Variants in PRKDC observed in about 807,000 individuals in gnomAD.
PRKDC encodes DNA-dependent protein kinase catalytic subunit.
Under a neutral mutation model 486.9 loss-of-function variants are expected in PRKDC, and 82 were observed. The observed-to-expected ratio is 0.17, with a 90% CI of 0.14 to 0.20. The LOEUF (loss-of-function observed/expected upper bound fraction) is 0.20. Ranked by LOEUF, PRKDC falls within the 10% of genes least tolerant of loss-of-function variation. The probability of loss-of-function intolerance (pLI) is 1.00; values close to 1 mark genes in which losing one functional copy is unlikely to be tolerated. For missense variants in PRKDC, 4,504 were observed against 5,038.2 expected (o/e 0.89, Z 3.21); for synonymous variants, 1,895 against 1,837.0 (o/e 1.03, Z -0.81).
chr8:47,905,535 T>A (rs956995412), intron 25 of PRKDC, among the ~76,000 whole-genome samples: 1 of 152,168 alleles, frequency 6.6e-6, no homozygotes, highest in Admixed American at 6.5e-5. Flanking sequence ...TCAACTATTG[T>A]ACAAAGCAAA....
intron 7 of PRKDC, among the ~76,000 whole-genome samples, chr8:47,946,236 C>T (rs1247172727): frequency 2.6e-5 from 4 of 151,996 alleles, no homozygotes; most frequent in African/African-American, 7.2e-5. Flanking sequence ...TAGGCTGAGG[C>T]ATGAGAATTG....
intron 21 of PRKDC, among the ~76,000 whole-genome samples, chr8:47,920,073 G>A (rs2090048751): frequency 6.6e-6 from 1 of 152,152 alleles, no homozygotes; most frequent in Non-Finnish European, 1.5e-5. Context: ...CTTTGTTTCA[G>A]CCCATCCCTT....
intron 10 of PRKDC, among the ~76,000 whole-genome samples, chr8:47,941,638 C>T (rs1428721953): frequency 6.6e-6 from 1 of 152,154 alleles, no homozygotes; most frequent in Non-Finnish European, 1.5e-5. Flanking sequence ...TGTGCCGCTT[C>T]CTTCGGTTGA....
At chr8:47,825,959 T>C (rs2087729940) in intron 63 of PRKDC, among the ~76,000 whole-genome samples, 1 of 152,240 alleles carries the variant, frequency 6.6e-6, no homozygotes, top group Non-Finnish European at 1.5e-5. Flanking sequence ...CTTTGGTGCC[T>C]GGCACAGCAC....
At chr8:47,888,866 T>G in intron 33 of PRKDC, 148 bp downstream of exon 33, 1 of 1,062,508 alleles carries the variant, frequency 9.4e-7, no homozygotes, top group East Asian at 2.6e-5. Context: ...AAATGTGTTT[T>G]CTAAACAACT....
intron 25 of PRKDC, among the ~76,000 whole-genome samples, chr8:47,909,170 G>A (rs941367948): frequency 2.6e-5 from 4 of 152,206 alleles, no homozygotes; most frequent in South Asian, 2.1e-4. Flanking sequence ...TATGCCTGAT[G>A]TTTCTTCTGT....
chr8:47,874,570 C>A (rs950575782), intron 40 of PRKDC, among the ~76,000 whole-genome samples: 1 of 152,068 alleles, frequency 6.6e-6, no homozygotes, highest in African/African-American at 2.4e-5. Flanking sequence ...CCAGCCTGGG[C>A]AACACGGCGA....
chr8:47,839,333 A>G, intron 55 of PRKDC, 87 bp from the exon 56 acceptor site: 1 of 920,622 alleles, frequency 1.1e-6, no homozygotes, highest in Non-Finnish European at 1.7e-6. Flanking sequence ...CTAGAATTCA[A>G]TTTTAAAAGG....
intron 16 of PRKDC, 77 bp downstream of exon 16, chr8:47,932,943 T>C: frequency 7.6e-7 from 1 of 1,314,198 alleles, no homozygotes; most frequent in Non-Finnish European, 1.0e-6. Flanking sequence ...AAATGTGCTA[T>C]TGTCCCCTAA....
intron 7 of PRKDC, among the ~76,000 whole-genome samples, chr8:47,945,613 T>G (rs2090520660): frequency 6.6e-6 from 1 of 152,230 alleles, no homozygotes; most frequent in Admixed American, 6.5e-5. Context: ...AATGTTCCAT[T>G]GTGTCTACGT....
intron 67 of PRKDC, among the ~76,000 whole-genome samples, chr8:47,818,578 C>CAAAAAAAAAAAAAAAAAAAAAAAAAA (rs1174698261): frequency 2.8e-5 from 1 of 36,118 alleles, no homozygotes; most frequent in Non-Finnish European, 6.7e-5. Flanking sequence ...GACTCCGTCT[C>CAAAAAAAAAAAAAAAAAAAAAAAAAA]AAAAAAAAAA....
At chr8:47,901,728 T>C (rs959212898) in intron 27 of PRKDC, among the ~76,000 whole-genome samples, 4 of 152,128 alleles carry the variant, frequency 2.6e-5, no homozygotes, top group South Asian at 2.1e-4. Context: ...ACCTCCAACA[T>C]AGACACAGGT....
intron 51 of PRKDC, among the ~76,000 whole-genome samples, chr8:47,853,343 G>A (rs2088457733): frequency 6.6e-6 from 1 of 152,242 alleles, no homozygotes; most frequent in Non-Finnish European, 1.5e-5. Context: ...CTGAGGTCAT[G>A]TGTCATCTCT....
At chr8:47,883,364 C>T (rs768786312) in intron 36 of PRKDC, among the ~76,000 whole-genome samples, 2 of 152,194 alleles carry the variant, frequency 1.3e-5, no homozygotes, top group Non-Finnish European at 2.9e-5. Flanking sequence ...TGAAACCCCA[C>T]GGTTCTGAAT....
chr8:47,778,630 A>G lies in PRKDC; in HGVS notation c.11682T>C (p.Pro3894=). The change falls in exon 83 of 86, where the codon CCT becomes CCC. Residue 3894 remains proline, a synonymous_variant. Coordinates refer to ENST00000314191, the MANE Select transcript of PRKDC (RefSeq NM_006904.7). ...KRAFVRMSTS[P]EAFLALRSHF... ...GGGAGCGGAGCGCCAGGAAAGCCTC[A>G]GGGCTTGTACTCATCCTCACGAAGG... is the stretch of plus-strand genomic sequence containing the variant. 6.2e-7 allele frequency: 1 copy of G among 1,613,570 alleles called. No homozygotes were observed. Among genetic ancestry groups the G allele is most frequent in the African/African-American group, 1.3e-5 (1 of 75,048 alleles).
intron 20 of PRKDC, among the ~76,000 whole-genome samples, 193 bp downstream of exon 20, chr8:47,927,578 G>A (rs191561563): frequency 1.6e-4 from 24 of 152,128 alleles, no homozygotes; most frequent in Admixed American, 5.2e-4. Context: ...CTCTCACATC[G>A]ACCTCCAAGT....
intron 48 of PRKDC, among the ~76,000 whole-genome samples, chr8:47,857,792 C>T (rs989431019): frequency 2.0e-5 from 3 of 152,166 alleles, no homozygotes; most frequent in African/African-American, 7.2e-5. Flanking sequence ...GATGTCCTGA[C>T]AGACTCGCCA....
chr8:47,907,533 CTTTT>C (rs1028272336), intron 25 of PRKDC, among the ~76,000 whole-genome samples: 1 of 133,110 alleles, frequency 7.5e-6, no homozygotes, highest in African/African-American at 2.8e-5. Flanking sequence ...ATTTATATAC[CTTTT>C]TTTTTTTTTT....
In PRKDC at chr8:47,862,555, C is replaced by T; in HGVS notation, c.5751-14G>A. 6.3e-7 allele frequency: 1 copy of T among 1,584,626 alleles called. No homozygotes were observed. The highest frequency in any genetic ancestry group is 1.1e-5 in the South Asian group (1 of 88,068). ...TCGTAGCACAATCTGCAGAGAGATCCATGTGACAAATCAATTCACACAACA... is the reference window on the plus strand; with the variant it reads ...TCGTAGCACAATCTGCAGAGAGATCTATGTGACAAATCAATTCACACAACA... On this transcript the variant is annotated splice_polypyrimidine_tract_variant and intron_variant, in intron 42 of 85. Coordinates refer to ENST00000314191, the MANE Select transcript of PRKDC (RefSeq NM_006904.7).
Sources: gnomAD v4.1 joint callset for allele counts (sites outside exome capture counted in the v4.1 genomes callset) on GRCh38, gnomAD v4.1.1 for gene constraint, MANE v1.5 for transcripts, NCBI Gene and HGNC (gene_info 2026-07-23, HGNC 2026-07-21) for gene names.